The following THSD7B variants were observed in gnomAD, a reference collection of about 807,000 sequenced individuals.
THSD7B encodes the protein thrombospondin type-1 domain-containing protein 7B.
In THSD7B, 138 loss-of-function variants were observed where a neutral mutation model predicts 213.6. The ratio of observed to expected loss-of-function variants is 0.65; its 90% confidence interval spans 0.56 to 0.74. The LOEUF is 0.74. Among genes scored for constraint, THSD7B ranks in the 30% least tolerant of loss-of-function variants. The pLI is 0.00. For missense variants in THSD7B, 1,931 were observed against 1,991.5 expected (o/e 0.97, Z 0.58); for synonymous variants, 742 against 687.0 (o/e 1.08, Z -1.25).
intron 10 of THSD7B, among the ~76,000 whole-genome samples, chr2:137,265,323 G>T (rs1481130885): frequency 1.3e-5 from 2 of 152,178 alleles, no homozygotes; most frequent in Admixed American, 6.5e-5. Flanking sequence ...AACAGGTGCT[G>T]GAGAGGATGT....
At chr2:137,023,691 CGAG>C (rs35052165) in intron 2 of THSD7B, among the ~76,000 whole-genome samples, 3,396 of 152,078 alleles carry the variant, frequency 0.022, 49 homozygotes, top group Middle Eastern at 0.034. Flanking sequence ...ATAAAAGGCC[CGAG>C]GACAGGAGTC....
intron 3 of THSD7B, among the ~76,000 whole-genome samples, chr2:137,063,339 C>T (rs935445024): frequency 6.6e-6 from 1 of 151,366 alleles, no homozygotes; most frequent in African/African-American, 2.4e-5. Flanking sequence ...CATTTATTGT[C>T]CTTGTTCTTT....
At position 137,136,631 on chromosome 2, in the gene THSD7B, T is replaced by A. The variant is rs1679466940; in HGVS notation, c.1369+21338T>A. On this transcript the variant is annotated intron_variant, in intron 5 of 27. Coordinates refer to ENST00000409968, the MANE Select transcript of THSD7B (RefSeq NM_001316349.2). ...TTTCTAGGAACTCTGAGTATGTGTGTAACCTCTAGTCAACAAATGGCTGTT... is the reference window on the plus strand; with the variant it reads ...TTTCTAGGAACTCTGAGTATGTGTGAAACCTCTAGTCAACAAATGGCTGTT... 1.3e-5 allele frequency among the ~76,000 whole-genome samples: 2 copies of A among 152,198 alleles called. 1 individual carries two copies. The highest frequency in any genetic ancestry group is 4.1e-4 in the South Asian group (2 of 4,828).
chr2:136,964,261 T>C (rs978373186), intron 2 of THSD7B, among the ~76,000 whole-genome samples: 1 of 152,104 alleles, frequency 6.6e-6, no homozygotes, highest in Non-Finnish European at 1.5e-5. Flanking sequence ...CTAATCCTTT[T>C]AGGATTAGGA....
In THSD7B at chr2:136,929,644, T is replaced by C. The variant is rs182857960; in HGVS notation, c.139+47327T>C. Among the ~76,000 whole-genome samples the C allele has an allele frequency of 4.6e-5, 7 of 152,332 alleles. No individual in the cohort carries two copies. The East Asian group carries it at 1.3e-3, about 29-fold the overall frequency. ...GTGGTATTTTGTCTTATCAGCTTGA[T>C]GTAAGGCTAAACTAGCTACTTAAGA... On this transcript the variant is annotated intron_variant, in intron 2 of 27. Coordinates refer to ENST00000409968, the MANE Select transcript of THSD7B (RefSeq NM_001316349.2).
At chr2:137,048,623 C>T (rs1183880159) in intron 2 of THSD7B, among the ~76,000 whole-genome samples, 1 of 152,082 alleles carries the variant, frequency 6.6e-6, no homozygotes, top group African/African-American at 2.4e-5. Context: ...TGCTCTCTGC[C>T]CTTTTGTTTT....
intron 12 of THSD7B, among the ~76,000 whole-genome samples, chr2:137,389,824 G>T (rs1012715820): frequency 3.3e-5 from 5 of 151,908 alleles, no homozygotes; most frequent in African/African-American, 9.7e-5. Flanking sequence ...ATTAAAAAGG[G>T]TTTCTTTTCA....
At chr2:137,650,216 A>G (rs181364189) in intron 21 of THSD7B, among the ~76,000 whole-genome samples, 48 of 152,324 alleles carry the variant, frequency 3.2e-4, no homozygotes, top group African/African-American at 1.1e-3. Flanking sequence ...CCATGTGCAT[A>G]GAATATCTTT....
intron 12 of THSD7B, among the ~76,000 whole-genome samples, chr2:137,289,079 G>C (rs1683254736): frequency 6.6e-6 from 1 of 151,970 alleles, no homozygotes; most frequent in South Asian, 2.1e-4. Flanking sequence ...GCTTATAGTT[G>C]CTCAGGAAAT....
intron 12 of THSD7B, among the ~76,000 whole-genome samples, chr2:137,289,056 CTT>C (rs35518438): frequency 0.42 from 63,583 of 151,622 alleles, 13,399 homozygotes; most frequent in South Asian, 0.57. Flanking sequence ...TTTTTTGATA[CTT>C]TTTTACCAGT....
rs763534600 is a variant in THSD7B, at chr2:137,655,563, A to G, written c.4008A>G (p.Ser1336=). ...RSLSCMVHSG[S]ISHAAGRVED... is the part of the protein sequence containing the mutation. ...TTTCCTGCATGGTCCACAGTGGTTCAATATCTCATGCAGCTGGACGTGTCG... is the reference window on the plus strand; with the variant it reads ...TTTCCTGCATGGTCCACAGTGGTTCGATATCTCATGCAGCTGGACGTGTCG... Residue 1336 remains serine (S), a synonymous_variant, in exon 22 of 28, where the codon TCA becomes TCG. Coordinates refer to ENST00000409968, the MANE Select transcript of THSD7B (RefSeq NM_001316349.2). 5 of 1,612,802 alleles carry G rather than the reference A, an allele frequency of 3.1e-6. No individual in the cohort carries two copies. In the South Asian group the frequency reaches 5.5e-5, roughly 18 times the overall value.
chr2:136,931,956 A>G (rs897657982), intron 2 of THSD7B, among the ~76,000 whole-genome samples: 4 of 152,216 alleles, frequency 2.6e-5, no homozygotes, highest in African/African-American at 9.6e-5. Context: ...TATTATTTCA[A>G]TTACCTTTAA....
rs199576133 is a variant in THSD7B at position 137,402,912 on chromosome 2, G to GA, written c.2501-2692dup. 1.3e-3 allele frequency among the ~76,000 whole-genome samples: 192 copies of GA among 150,594 alleles called. 1 individual carries two copies. The highest frequency in any genetic ancestry group is 4.3e-3 in the African/African-American group (178 of 40,980). ...TGTTATTCAGTGCATTGTCATTTTG[G>GA]AAAAAAAAATTAACTTGGCAAGATA... is the stretch of plus-strand genomic sequence containing the variant. On this transcript the variant is annotated intron_variant, in intron 12 of 27. Coordinates refer to ENST00000409968, the MANE Select transcript of THSD7B (RefSeq NM_001316349.2).
At chr2:136,855,377 A>C (rs1257744739) in intron 1 of THSD7B, among the ~76,000 whole-genome samples, 1 of 151,968 alleles carries the variant, frequency 6.6e-6, no homozygotes, top group Admixed American at 6.6e-5. Context: ...ACTACTTAAC[A>C]TGACTTTAGA....
At chr2:137,271,047 T>A (rs1326519182) in intron 10 of THSD7B, among the ~76,000 whole-genome samples, 3 of 152,086 alleles carry the variant, frequency 2.0e-5, no homozygotes, top group South Asian at 2.1e-4. Flanking sequence ...TGATTTTTTT[T>A]AAATGCATAT....
At chr2:137,180,694 T>C (rs1224331181) in intron 7 of THSD7B, among the ~76,000 whole-genome samples, 1 of 152,222 alleles carries the variant, frequency 6.6e-6, no homozygotes, top group African/African-American at 2.4e-5. Flanking sequence ...TAGTAATTTC[T>C]GATACCAGAA....
In THSD7B at chr2:136,831,965, G is replaced by A. The variant is rs567852936; in HGVS notation, c.-35-50179G>A. Among the ~76,000 whole-genome samples, 3 of 152,138 alleles carry A rather than the reference G, an allele frequency of 2.0e-5. No individual in the cohort carries two copies. In the South Asian group the frequency reaches 6.2e-4, roughly 32 times the overall value. On this transcript the variant is annotated intron_variant, in intron 1 of 27. Coordinates refer to ENST00000409968, the MANE Select transcript of THSD7B (RefSeq NM_001316349.2). ...CTGTAATAATTGTCCTGCTCATTTGGCACCTAGCAAATGTATTAGCTTAAT... is the reference window on the plus strand; with the variant it reads ...CTGTAATAATTGTCCTGCTCATTTGACACCTAGCAAATGTATTAGCTTAAT...
At chr2:137,160,408 G>T (rs776480039) in intron 6 of THSD7B, 40 bp downstream of exon 6, 3 of 1,600,760 alleles carry the variant, frequency 1.9e-6, no homozygotes, top group Admixed American at 3.4e-5. Flanking sequence ...TGCTGTCAGC[G>T]TACAAACATT....
chr2:136,821,696 G>A (rs1015573377), intron 1 of THSD7B, among the ~76,000 whole-genome samples: 1 of 152,200 alleles, frequency 6.6e-6, no homozygotes, highest in Non-Finnish European at 1.5e-5. Context: ...GGTTAGGCTG[G>A]TGTTCACTGT....
Sources: allele counts gnomAD v4.1 joint callset (sites outside exome capture counted in the v4.1 genomes callset), GRCh38; gene constraint gnomAD v4.1.1; transcripts MANE v1.5; gene names NCBI Gene and HGNC (gene_info 2026-07-23, HGNC 2026-07-21).